Variants in SLC37A2 observed in about 807,000 individuals in gnomAD.
SLC37A2 encodes solute carrier family 37 member 2.
In SLC37A2, 59 loss-of-function variants were observed where a neutral mutation model predicts 70.7. The observed-to-expected ratio is 0.83, with a 90% CI of 0.68 to 1.04. The LOEUF (loss-of-function observed/expected upper bound fraction) is 1.04. Among genes scored for constraint, SLC37A2 ranks in the 50% least tolerant of loss-of-function variants. The probability of loss-of-function intolerance (pLI) is 0.00; values close to 1 mark genes in which losing one functional copy is unlikely to be tolerated. For missense variants in SLC37A2, 580 were observed against 658.1 expected (o/e 0.88, Z 1.30); for synonymous variants, 257 against 262.1 (o/e 0.98, Z 0.19).
At chr11:125,067,693 G>T (rs1328806871) in intron 1 of SLC37A2, among the ~76,000 whole-genome samples, 1 of 152,092 alleles carries the variant, frequency 6.6e-6, no homozygotes, top group East Asian at 1.9e-4. Context: ...GCCAACTTTG[G>T]CAAAATTTTA....
intron 1 of SLC37A2, among the ~76,000 whole-genome samples, chr11:125,071,988 G>A (rs1287061145): frequency 6.6e-6 from 1 of 152,098 alleles, no homozygotes; most frequent in African/African-American, 2.4e-5. Flanking sequence ...CTCTGGACAA[G>A]TGCCAAAGTC....
intron 5 of SLC37A2, among the ~76,000 whole-genome samples, 188 bp downstream of exon 5, chr11:125,079,435 G>A (rs1949124599): frequency 6.6e-6 from 1 of 152,190 alleles, no homozygotes; most frequent in Non-Finnish European, 1.5e-5. Flanking sequence ...TTGGCCTTGA[G>A]CACAACGCTG....
At position 125,088,224 on chromosome 11, in the gene SLC37A2, G is replaced by C. The variant is rs1370310908; in HGVS notation, c.*90G>C. The C allele has an allele frequency of 2.0e-6, 3 of 1,473,550 alleles. No homozygotes were observed. The East Asian group carries it at 7.4e-5, about 36-fold the overall frequency. The allele number at this position is 1,473,550 out of a possible 1,614,324, so 91.3% of individuals were successfully genotyped here. A position where few individuals can be genotyped will look rare whatever the true frequency, so the allele number is the denominator to read the frequency against. On this transcript the variant is annotated 3_prime_UTR_variant, in exon 18 of 18. Transcript: ENST00000403796. ...AGACAATGGAAACTTCCACAAGCAGGGAAGGCAAACCCTCTTTATTGAACA... is the reference window on the plus strand; with the variant it reads ...AGACAATGGAAACTTCCACAAGCAGCGAAGGCAAACCCTCTTTATTGAACA...
At chr11:125,071,550 C>T (rs1266052187) in intron 1 of SLC37A2, among the ~76,000 whole-genome samples, 1 of 152,222 alleles carries the variant, frequency 6.6e-6, no homozygotes, top group Non-Finnish European at 1.5e-5. Context: ...TCTCAAATGT[C>T]CTGAGTTCCT....
At position 125,083,531 on chromosome 11, in the gene SLC37A2, G is replaced by T; in HGVS notation, c.977-284G>T. ...GGGGAAAGGTGGCCACGGGACAGCA[G>T]GCTCGGGGGCCAGATCCCAGAGCTT... On this transcript the variant is annotated intron_variant, in intron 10 of 17. Coordinates refer to ENST00000403796, the MANE Select transcript of SLC37A2 (RefSeq NM_001145290.2). The surrounding 1 kb of genome is among the most constrained non-coding windows in gnomAD (Gnocchi z 4.6). The T allele has an allele frequency of 2.6e-6, 1 of 384,988 alleles. No individual in the cohort carries two copies. The highest frequency in any genetic ancestry group is 4.8e-6 in the Non-Finnish European group (1 of 208,774). 23.8% of individuals were successfully genotyped at this position (384,988 alleles called of 1,614,324 possible). A position where few individuals can be genotyped will look rare whatever the true frequency, so the allele number is the denominator to read the frequency against.
rs199871161 is a variant in SLC37A2, at chr11:125,084,333, C to T, written c.1125+14C>T. 28 of 1,613,946 alleles carry T rather than the reference C, an allele frequency of 1.7e-5. No individual in the cohort carries two copies. The East Asian group carries it at 3.3e-4, about 19-fold the overall frequency. On this transcript the variant is annotated intron_variant, in intron 12 of 17. Transcript: ENST00000403796. ...GCTGCCCCCATGGTGCGTATAACCCCGAGGGTGAAGTGCGAATGCATGTGA... is the reference window on the plus strand; with the variant it reads ...GCTGCCCCCATGGTGCGTATAACCCTGAGGGTGAAGTGCGAATGCATGTGA...
chr11:125,081,441 G>C lies in SLC37A2; in HGVS notation c.715G>C (p.Ala239Pro). ...LIEHPEDVDC[A>P]PPQHHGEPAE... ...TCTAGACCCAGAAGATGTGGACTGC[G>C]CCCCTCCTCAGCACCACGTGAGTGT... Residue 239 changes from alanine to proline, a missense_variant, in exon 8 of 18, where the codon GCC (alanine) becomes CCC (proline). Ala to Pro is a conservative substitution (Grantham distance 27, BLOSUM62 -1). Transcript: ENST00000403796. The C allele has an allele frequency of 1.9e-6, 3 of 1,608,578 alleles. No individual in the cohort carries two copies. The highest frequency in any genetic ancestry group is 2.5e-6 in the Non-Finnish European group (3 of 1,177,144).
intron 7 of SLC37A2, among the ~76,000 whole-genome samples, chr11:125,081,072 G>T (rs1229131846): frequency 1.3e-5 from 2 of 152,180 alleles, no homozygotes; most frequent in South Asian, 4.1e-4. Context: ...ATCAGGGAGG[G>T]TGGAGTTGAA....
rs374699394 is a variant in SLC37A2, at chr11:125,081,755, G to A, written c.734G>A (p.Gly245Asp). 1 of 1,594,364 alleles carries A rather than the reference G, an allele frequency of 6.3e-7. No individual in the cohort carries two copies. Among genetic ancestry groups the A allele is most frequent in the African/African-American group, 1.4e-5 (1 of 74,066 alleles). ...GCAGGGCTCATCTCCTCTGCTCAGG[G>A]TGAGCCAGCTGAGAACCAGGACAAC... ...DVDCAPPQHHGEPAENQDNPE... is the reference protein window; with the variant it reads ...DVDCAPPQHHDEPAENQDNPE... Residue 245 changes from glycine to aspartate, a missense_variant and splice_region_variant, in exon 9 of 18, where the codon GGT (glycine) becomes GAT (aspartate). Gly to Asp is a moderately conservative substitution (Grantham distance 94). Coordinates refer to ENST00000403796, the MANE Select transcript of SLC37A2 (RefSeq NM_001145290.2).
In SLC37A2 at chr11:125,088,437, G is replaced by C. The variant is rs1038967750; in HGVS notation, c.*303G>C. The C allele has an allele frequency of 2.9e-5, 10 of 347,350 alleles. No homozygotes were observed. The highest frequency in any genetic ancestry group is 4.7e-5 in the Non-Finnish European group (9 of 191,144). 21.5% of individuals were successfully genotyped at this position (347,350 alleles called of 1,614,324 possible). A position where few individuals can be genotyped will look rare whatever the true frequency, so the allele number is the denominator to read the frequency against. ...AAGGAAAGGATATGCTCAGACTCTT[G>C]CTTGTTCAGATTCCAAGACAGAAGG... On this transcript the variant is annotated 3_prime_UTR_variant, in exon 18 of 18. Coordinates refer to ENST00000403796, the MANE Select transcript of SLC37A2 (RefSeq NM_001145290.2).
At chr11:125,071,735 T>G (rs1370484288) in intron 1 of SLC37A2, among the ~76,000 whole-genome samples, 1 of 151,906 alleles carries the variant, frequency 6.6e-6, no homozygotes, top group Non-Finnish European at 1.5e-5. Flanking sequence ...CCAAAGAGGG[T>G]CTTGTCCTGT....
chr11:125,086,177 C>G, intron 17 of SLC37A2, 159 bp downstream of exon 17: 1 of 1,604,638 alleles, frequency 6.2e-7, no homozygotes, highest in Non-Finnish European at 8.5e-7. Context: ...CTAACCTGTC[C>G]TCTGTTGTCC....
chr11:125,075,469 G>A (rs1472609149), intron 1 of SLC37A2, among the ~76,000 whole-genome samples: 2 of 152,216 alleles, frequency 1.3e-5, no homozygotes, highest in Non-Finnish European at 2.9e-5. Flanking sequence ...GGAACCGGTG[G>A]CCAGAGAGGC....
In SLC37A2 at chr11:125,079,236, G is replaced by T; in HGVS notation, c.439G>T (p.Val147Leu). 1.9e-6 allele frequency: 3 copies of T among 1,614,112 alleles called. No homozygotes were observed. In the South Asian group the frequency reaches 3.3e-5, roughly 18 times the overall value. The change falls in exon 5 of 18, where the codon GTG (valine) becomes TTG (leucine). Residue 147 changes from valine to leucine, a missense_variant. Physicochemically the swap from Val to Leu is conservative, Grantham distance 32 (BLOSUM62 1). Coordinates refer to ENST00000403796, the MANE Select transcript of SLC37A2 (RefSeq NM_001145290.2). The stretch of plus-strand genomic sequence containing the variant: ...GAACATCCACGAGCTCTGGTACTTT[G>T]TGGTCATCCAGGTATGAATCACCGT... ...FWNIHELWYF[V>L]VIQVCNGLVQ... is the part of the protein sequence containing the mutation.
In SLC37A2 at chr11:125,080,404, G is replaced by A. The variant is rs1461863065; in HGVS notation, c.528-210G>A. On this transcript the variant is annotated intron_variant, in intron 6 of 17. Transcript: ENST00000403796. This position sits in a 1 kb window ranked among gnomAD's most constrained non-coding sequence, Gnocchi z 4.3. ...CGGCACTCACTCAGGGAGCTGGGCA[G>A]GCGGAGCGAGACCACAGGCCCTGCA... Among the ~76,000 whole-genome samples the A allele has an allele frequency of 6.6e-6, 1 of 152,196 alleles. No individual in the cohort carries two copies. The highest frequency in any genetic ancestry group is 1.5e-5 in the Non-Finnish European group (1 of 68,038).
In SLC37A2 at chr11:125,083,658, A is replaced by C. The variant is rs1292345455; in HGVS notation, c.977-157A>C. Among the ~76,000 whole-genome samples, 1 of 151,848 alleles carries C rather than the reference A, an allele frequency of 6.6e-6. No homozygotes were observed. The highest frequency in any genetic ancestry group is 1.5e-5 in the Non-Finnish European group (1 of 67,958). On this transcript the variant is annotated intron_variant, in intron 10 of 17. Coordinates refer to ENST00000403796, the MANE Select transcript of SLC37A2 (RefSeq NM_001145290.2). The surrounding 1 kb of genome is among the most constrained non-coding windows in gnomAD (Gnocchi z 4.6). ...CGTCTATCCAAACTGCTGCATTCTC[A>C]CCCTGTGGCCCTGGCCAGCCTGCTC... is the stretch of plus-strand genomic sequence containing the variant.
At chr11:125,084,363 G>A (rs777436389) in intron 12 of SLC37A2, 44 bp downstream of exon 12, 2 of 1,598,058 alleles carry the variant, frequency 1.3e-6, no homozygotes, top group African/African-American at 1.3e-5. Flanking sequence ...ATGTGAGCAG[G>A]AGCCTGTGTG....
chr11:125,085,829 C>T (rs950804490), intron 16 of SLC37A2, 125 bp from the exon 17 acceptor site: 1 of 1,252,474 alleles, frequency 8.0e-7, no homozygotes, highest in African/African-American at 1.5e-5. Context: ...CGAGTGACCC[C>T]TTGCCAAGTG....
Position 125,083,570 on chromosome 11 carries a change from T to G in SLC37A2, c.977-245T>G, listed in dbSNP as rs1949172068. 7.1e-6 allele frequency: 3 copies of G among 424,870 alleles called. No individual in the cohort carries two copies. The highest frequency in any genetic ancestry group is 8.5e-6 in the Non-Finnish European group (2 of 234,652). 26.3% of individuals were successfully genotyped at this position (424,870 alleles called of 1,614,324 possible). A position where few individuals can be genotyped will look rare whatever the true frequency, so the allele number is the denominator to read the frequency against. ...ATCCCAGAGCTTGCCAGGGAGGGCT[T>G]GTTCTGAGAGGTGAAGGTCATCCTG... On this transcript the variant is annotated intron_variant, in intron 10 of 17. Transcript: ENST00000403796. The surrounding 1 kb of genome is among the most constrained non-coding windows in gnomAD (Gnocchi z 4.6).
Sources: allele counts gnomAD v4.1 joint callset (sites outside exome capture counted in the v4.1 genomes callset), GRCh38; gene constraint gnomAD v4.1.1; non-coding constraint Gnocchi (gnomAD v3.1); transcripts MANE v1.5; gene names NCBI Gene and HGNC (gene_info 2026-07-23, HGNC 2026-07-21).